CATSPER3: variants seen among roughly 807,000 people sequenced by gnomAD.
CATSPER3 encodes cation channel sperm associated 3.
CATSPER3 carries 23 observed loss-of-function variants against 36.6 expected under a neutral mutation model. That is an observed-to-expected ratio of 0.63 (90% CI 0.45 to 0.89). CATSPER3 has a LOEUF of 0.89. CATSPER3 is among the 40% of genes least tolerant of loss of function. The probability of loss-of-function intolerance (pLI) is 0.00; values close to 1 mark genes in which losing one functional copy is unlikely to be tolerated. For missense variants in CATSPER3, 474 were observed against 503.9 expected, an observed-to-expected ratio of 0.94 and a Z score of 0.57; for synonymous variants, 172 against 184.1, an observed-to-expected ratio of 0.93 and a Z score of 0.53.
chr5:135,009,744 T>TC (rs1752155114), intron 6 of CATSPER3, among the ~76,000 whole-genome samples: 2 of 152,246 alleles, frequency 1.3e-5, no homozygotes, highest in Non-Finnish European at 2.9e-5. Flanking sequence ...TGGGCAGAAC[T>TC]CCACTGCTGG....
chr5:134,992,766 C>T (rs1021621934), intron 2 of CATSPER3, among the ~76,000 whole-genome samples: 6 of 152,218 alleles, frequency 3.9e-5, no homozygotes, highest in South Asian at 2.1e-4. Flanking sequence ...TAACAAGTGT[C>T]GGTGAAGATG....
chr5:134,993,923 G>A (rs1207683917), intron 2 of CATSPER3, among the ~76,000 whole-genome samples: 3 of 152,140 alleles, frequency 2.0e-5, no homozygotes, highest in African/African-American at 4.8e-5. Context: ...TCAGGAGTTC[G>A]AGATCAGCCT....
intron 4 of CATSPER3, 80 bp from the exon 5 acceptor site, chr5:135,008,760 TG>T: frequency 7.8e-7 from 1 of 1,279,442 alleles, no homozygotes; most frequent in African/African-American, 1.5e-5. Context: ...TCAGTGGGCC[TG>T]GGACTCCTCT....
intron 6 of CATSPER3, among the ~76,000 whole-genome samples, chr5:135,009,734 T>C (rs1580917286): frequency 2.0e-5 from 3 of 152,354 alleles, no homozygotes; most frequent in African/African-American, 7.2e-5. Context: ...CCCTCTGTTG[T>C]GGGCAGAACT....
intron 3 of CATSPER3, among the ~76,000 whole-genome samples, chr5:134,998,840 A>G (rs1019233306): frequency 2.0e-5 from 3 of 152,186 alleles, no homozygotes; most frequent in African/African-American, 4.8e-5. Context: ...GTAGATTGCA[A>G]AAATTTTCTC....
At chr5:135,007,775 A>G (rs1454656998) in intron 3 of CATSPER3, among the ~76,000 whole-genome samples, 182 bp from the exon 4 acceptor site, 3 of 152,206 alleles carry the variant, frequency 2.0e-5, no homozygotes, top group African/African-American at 7.2e-5. Flanking sequence ...CACTTCATTA[A>G]TTCGTTAGTT....
chr5:135,010,294 C>T, intron 6 of CATSPER3, 79 bp from the exon 7 acceptor site: 2 of 1,297,874 alleles, frequency 1.5e-6, no homozygotes, highest in Non-Finnish European at 2.2e-6. Flanking sequence ...TGGGGCCCAT[C>T]CTGGAGAGTC....
chr5:134,998,705 G>A (rs1432608464), intron 3 of CATSPER3, among the ~76,000 whole-genome samples: 1 of 152,196 alleles, frequency 6.6e-6, no homozygotes, highest in African/African-American at 2.4e-5. Flanking sequence ...TCTGTTGGCT[G>A]TGTAAATGTC....
At chr5:135,010,277 C>T (rs1048247473) in intron 6 of CATSPER3, 96 bp from the exon 7 acceptor site, 26 of 1,094,822 alleles carry the variant, frequency 2.4e-5, no homozygotes, top group Middle Eastern at 2.1e-4. Context: ...AGGGTCAGGC[C>T]GCTGCCTGGG....
chr5:135,000,887 AT>A (rs1308614545), intron 3 of CATSPER3, among the ~76,000 whole-genome samples: 1 of 151,976 alleles, frequency 6.6e-6, no homozygotes, highest in African/African-American at 2.4e-5. Flanking sequence ...GGATTCATTG[AT>A]TTTTTTGAAG....
intron 6 of CATSPER3, among the ~76,000 whole-genome samples, chr5:135,010,162 C>A (rs562569157): frequency 3.3e-5 from 5 of 152,276 alleles, no homozygotes; most frequent in African/African-American, 1.2e-4. Context: ...CTCAGTTGGA[C>A]TTCATGTGCT....
chr5:134,981,769 C>A (rs1751755414), intron 2 of CATSPER3, among the ~76,000 whole-genome samples: 1 of 152,082 alleles, frequency 6.6e-6, no homozygotes, highest in African/African-American at 2.4e-5. Context: ...CTGACTTATA[C>A]AATGAACAGA....
intron 2 of CATSPER3, among the ~76,000 whole-genome samples, chr5:134,987,115 A>G: frequency 6.6e-6 from 1 of 152,238 alleles, no homozygotes; most frequent in Non-Finnish European, 1.5e-5. Context: ...ACAAGCCTTT[A>G]GCTAGATTGA....
chr5:135,007,808 A>ACCCCC, intron 3 of CATSPER3, 149 bp from the exon 4 acceptor site: 1 of 85,506 alleles, frequency 1.2e-5, no homozygotes, highest in South Asian at 1.0e-4. Flanking sequence ...CAACCAACCC[A>ACCCCC]CCCACCCACC....
intron 3 of CATSPER3, among the ~76,000 whole-genome samples, chr5:135,006,836 G>GAAAA (rs35478061): frequency 6.2e-5 from 7 of 112,930 alleles, no homozygotes; most frequent in African/African-American, 2.4e-4. Context: ...ACTCCGTCTC[G>GAAAA]AAAAAAAAAA....
chr5:135,009,297 C>CT (rs1752146275), intron 5 of CATSPER3, 74 bp from the exon 6 acceptor site: 1 of 1,508,050 alleles, frequency 6.6e-7, no homozygotes, highest in Non-Finnish European at 9.2e-7. Flanking sequence ...CGGTGCAAGA[C>CT]TGGGGAAGAG....
rs539970086 is a variant in CATSPER3 at position 134,973,475 on chromosome 5, TAAG to T, written c.252+3386_252+3388del. On this transcript the variant is annotated intron_variant, in intron 2 of 7. Transcript: ENST00000282611. ...TTATTTCTGTCATCTCCTGTGTTCT[TAAG>T]AACCAGGATACTCATGGAGGAGAGA... is the stretch of plus-strand genomic sequence containing the variant. Among the ~76,000 whole-genome samples, 247 of 152,316 alleles carry T rather than the reference TAAG, an allele frequency of 1.6e-3. 1 individual carries two copies. Among genetic ancestry groups the T allele is most frequent in the Middle Eastern group, 6.8e-3 (2 of 292 alleles).
intron 3 of CATSPER3, among the ~76,000 whole-genome samples, chr5:135,006,953 A>G (rs978892747): frequency 5.3e-5 from 8 of 151,982 alleles, no homozygotes; most frequent in Non-Finnish European, 8.8e-5. Context: ...GTGTGCATTC[A>G]CCCCTGCAGG....
At chr5:135,004,289 C>T (rs1752057250) in intron 3 of CATSPER3, among the ~76,000 whole-genome samples, 1 of 152,232 alleles carries the variant, frequency 6.6e-6, no homozygotes. Flanking sequence ...TCCCACACTA[C>T]TGGGAGCCCT....
Sources: allele counts gnomAD v4.1 joint callset (sites outside exome capture counted in the v4.1 genomes callset), GRCh38; gene constraint gnomAD v4.1.1; transcripts MANE v1.5; gene names NCBI Gene and HGNC (gene_info 2026-07-23, HGNC 2026-07-21).